The following LRRC49 variants were observed in gnomAD, a reference collection of about 807,000 sequenced individuals.
LRRC49 encodes leucine rich repeat containing 49.
LRRC49 carries 50 observed loss-of-function variants against 83.3 expected under a neutral mutation model. The ratio of observed to expected loss-of-function variants is 0.60; its 90% CI spans 0.48 to 0.76. LRRC49 has a LOEUF of 0.76. Among genes scored for constraint, LRRC49 ranks in the 30% least tolerant of loss-of-function variants. The pLI is 0.00. For synonymous variants in LRRC49, 286 were observed against 283.3 expected (o/e 1.01, Z -0.10); for missense variants, 704 against 809.1 (o/e 0.87, Z 1.58).
At chr15:70,915,444 A>G (rs1368367550) in intron 6 of LRRC49, among the ~76,000 whole-genome samples, 1 of 152,096 alleles carries the variant, frequency 6.6e-6, no homozygotes, top group East Asian at 1.9e-4. Context: ...CCATAACTCT[A>G]TATATTTATA....
At chr15:70,908,039 A>G (rs908865675) in intron 5 of LRRC49, 2 of 455,982 alleles carry the variant, frequency 4.4e-6, no homozygotes, top group Admixed American at 2.3e-5. Context: ...AAGAGAATTT[A>G]TGCCAAAGGC....
intron 2 of LRRC49, among the ~76,000 whole-genome samples, chr15:70,879,400 T>C (rs1186838618): frequency 1.3e-5 from 2 of 152,244 alleles, no homozygotes; most frequent in African/African-American, 4.8e-5. Context: ...TTTCTTCACA[T>C]GACTAGTCAT....
upstream of LRRC49, chr15:70,891,999 C>G (rs371439870): frequency 2.5e-6 from 4 of 1,613,072 alleles, no homozygotes; most frequent in South Asian, 1.1e-5. Context: ...GGGGCGGGCA[C>G]CCGGTGCAGG....
intron 8 of LRRC49, among the ~76,000 whole-genome samples, chr15:70,940,071 A>G (rs2035753712): frequency 6.6e-6 from 1 of 151,926 alleles, no homozygotes; most frequent in Non-Finnish European, 1.5e-5. Context: ...TCAGGAAATC[A>G]TTCTCCTTGC....
chr15:70,905,656 G>T (rs2034274808), intron 5 of LRRC49, among the ~76,000 whole-genome samples: 1 of 152,136 alleles, frequency 6.6e-6, no homozygotes, highest in African/African-American at 2.4e-5. Context: ...GTATTTTTAG[G>T]CTGAGGCTTG....
chr15:70,953,100 T>C (rs2141182446), intron 8 of LRRC49, among the ~76,000 whole-genome samples: 1 of 152,310 alleles, frequency 6.6e-6, no homozygotes, highest in East Asian at 1.9e-4. Flanking sequence ...ACACTATCCC[T>C]TTTAAGTGGG....
intron 1 of LRRC49, among the ~76,000 whole-genome samples, chr15:70,871,892 G>C (rs1421741307): frequency 6.6e-6 from 1 of 150,836 alleles, no homozygotes; most frequent in Non-Finnish European, 1.5e-5. Context: ...GCCGGGAAGA[G>C]GCGCTCCTTA....
At chr15:70,989,021 G>A (rs2141235646) in intron 11 of LRRC49, among the ~76,000 whole-genome samples, 1 of 152,240 alleles carries the variant, frequency 6.6e-6, no homozygotes, top group East Asian at 1.9e-4. Flanking sequence ...TAGTCTGATG[G>A]GCTTCCCTTT....
At chr15:70,923,520 G>C (rs2035083041) in intron 7 of LRRC49, among the ~76,000 whole-genome samples, 1 of 151,824 alleles carries the variant, frequency 6.6e-6, no homozygotes, top group Admixed American at 6.6e-5. Flanking sequence ...TATATGCCAG[G>C]CATTGTTCTA....
At chr15:70,949,700 T>G (rs1201763406) in intron 8 of LRRC49, among the ~76,000 whole-genome samples, 4 of 152,208 alleles carry the variant, frequency 2.6e-5, no homozygotes, top group African/African-American at 7.2e-5. Context: ...CCTATCACAA[T>G]ACCTACACAT....
At chr15:70,859,854 A>G (rs1487881585) in intron 1 of LRRC49, 3 of 768,464 alleles carry the variant, frequency 3.9e-6, no homozygotes, top group Admixed American at 1.7e-5. Context: ...ATGAATGTCA[A>G]GCTGGCCTTG....
intron 14 of LRRC49, among the ~76,000 whole-genome samples, chr15:71,025,698 A>G (rs1471717378): frequency 2.6e-5 from 2 of 76,660 alleles, no homozygotes; most frequent in African/African-American, 7.5e-5. Flanking sequence ...TTTACCAAGC[A>G]AATAGAAAGA....
At chr15:70,906,347 G>A (rs1391524072) in intron 5 of LRRC49, among the ~76,000 whole-genome samples, 2 of 152,050 alleles carry the variant, frequency 1.3e-5, no homozygotes, top group Non-Finnish European at 2.9e-5. Context: ...CGCCTGCCTT[G>A]GCCTCCCAAA....
chr15:70,924,549 A>G (rs1380006091), intron 7 of LRRC49, among the ~76,000 whole-genome samples: 1 of 151,970 alleles, frequency 6.6e-6, no homozygotes, highest in African/African-American at 2.4e-5. Context: ...ATCATTTAAT[A>G]CAGTAACCTT....
chr15:70,991,298 A>T (rs1295974694), intron 11 of LRRC49, among the ~76,000 whole-genome samples: 1 of 152,222 alleles, frequency 6.6e-6, no homozygotes, highest in Non-Finnish European at 1.5e-5. Flanking sequence ...GACATAAAGC[A>T]TTTATATCTT....
At chr15:71,019,176 A>C (rs2038917729) in intron 14 of LRRC49, among the ~76,000 whole-genome samples, 2 of 152,036 alleles carry the variant, frequency 1.3e-5, no homozygotes, top group South Asian at 4.2e-4. Context: ...TTGGTAATCA[A>C]GTCAGTTTTC....
intron 11 of LRRC49, among the ~76,000 whole-genome samples, chr15:71,001,475 C>T (rs924061917): frequency 3.9e-5 from 6 of 152,144 alleles, no homozygotes; most frequent in Admixed American, 1.3e-4. Flanking sequence ...TTCTTATTTC[C>T]AGTGCATATT....
chr15:70,861,584 C>G (rs766623126), intron 1 of LRRC49, among the ~76,000 whole-genome samples: 9 of 152,016 alleles, frequency 5.9e-5, no homozygotes, highest in Non-Finnish European at 1.3e-4. Context: ...AACAACATCC[C>G]CAGTTTGGGT....
chr15:71,040,819 C>CAAAAA (rs57206118), intron 15 of LRRC49, among the ~76,000 whole-genome samples: 4 of 98,852 alleles, frequency 4.0e-5, no homozygotes, highest in African/African-American at 8.3e-5. Context: ...GACTCCGTCT[C>CAAAAA]AAAAAAAAAA....
Sources: gnomAD v4.1 joint callset for allele counts (sites outside exome capture counted in the v4.1 genomes callset) on GRCh38, gnomAD v4.1.1 for gene constraint, MANE v1.5 for transcripts, NCBI Gene and HGNC (gene_info 2026-07-23, HGNC 2026-07-21) for gene names.